The following PTPRK variants were observed in gnomAD, a reference collection of about 807,000 sequenced individuals.
The protein encoded by PTPRK is receptor-type tyrosine-protein phosphatase kappa.
A neutral mutation model predicts 178.0 loss-of-function variants in PTPRK; 75 were observed. The ratio of observed to expected loss-of-function variants is 0.42; its 90% CI spans 0.35 to 0.51. The LOEUF (loss-of-function observed/expected upper bound fraction) is 0.51. Among genes scored for constraint, PTPRK ranks in the 20% least tolerant of loss-of-function variants. The pLI is 0.02. For missense variants in PTPRK, 1,441 were observed against 1,797.8 expected, an observed-to-expected ratio of 0.80 and a Z score of 3.59; for synonymous variants, 637 against 620.6, an observed-to-expected ratio of 1.03 and a Z score of -0.39.
At chr6:128,324,185 C>A (rs989109007) in intron 2 of PTPRK, among the ~76,000 whole-genome samples, 4 of 152,068 alleles carry the variant, frequency 2.6e-5, no homozygotes, top group African/African-American at 7.2e-5. Flanking sequence ...AGTTCCACCC[C>A]CTCCCCTCAG....
rs1294873336 is a variant in PTPRK at position 127,998,538 on chromosome 6, T to C, written c.2679+182A>G. 2.4e-4 allele frequency among the ~76,000 whole-genome samples: 37 copies of C among 152,026 alleles called. 1 individual carries two copies. The highest frequency in any genetic ancestry group is 5.4e-4 in the Non-Finnish European group (37 of 67,988). Reference sequence around the variant, plus strand: ...ACTCATATATCTCTGGGAAGTGCTTTTTTCCCCATTCCCTTCCCATTCCCA... The same window carrying C: ...ACTCATATATCTCTGGGAAGTGCTTCTTTCCCCATTCCCTTCCCATTCCCA... On this transcript the variant is annotated intron_variant, in intron 16 of 29. Coordinates refer to ENST00000368226, the MANE Select transcript of PTPRK (RefSeq NM_002844.4).
intron 1 of PTPRK, among the ~76,000 whole-genome samples, chr6:128,445,171 T>C (rs979668048): frequency 9.7e-5 from 13 of 134,532 alleles, no homozygotes; most frequent in East Asian, 3.9e-4. Context: ...CTGAGCAAAA[T>C]AGCAAGACCC....
At chr6:128,314,840 T>TA (rs1187331995) in intron 3 of PTPRK, among the ~76,000 whole-genome samples, 298 of 139,840 alleles carry the variant, frequency 2.1e-3, no homozygotes, top group East Asian at 4.5e-3. Flanking sequence ...CACCACTATT[T>TA]AAAAAAAAAA....
At chr6:128,189,235 CTTTTT>C (rs71028115) in intron 6 of PTPRK, among the ~76,000 whole-genome samples, 261 of 67,480 alleles carry the variant, frequency 3.9e-3, no homozygotes, top group Non-Finnish European at 4.9e-3. Context: ...TACTCTTTTT[CTTTTT>C]TTTTTTTTTT....
chr6:128,191,651 A>G (rs1803808723), intron 6 of PTPRK, among the ~76,000 whole-genome samples: 1 of 152,172 alleles, frequency 6.6e-6, no homozygotes, highest in African/African-American at 2.4e-5. Flanking sequence ...GTATACATAT[A>G]CCAAAAGACC....
intron 1 of PTPRK, among the ~76,000 whole-genome samples, chr6:128,498,165 A>G (rs1855009227): frequency 6.6e-6 from 1 of 152,190 alleles, no homozygotes; most frequent in African/African-American, 2.4e-5. Flanking sequence ...AAAAAGACAA[A>G]TCACAGCCTA....
intron 3 of PTPRK, among the ~76,000 whole-genome samples, chr6:128,301,630 T>C (rs999095639): frequency 6.6e-5 from 10 of 152,174 alleles, no homozygotes; most frequent in African/African-American, 2.4e-4. Context: ...TTAATTTATT[T>C]ACATTATAAA....
At chr6:128,151,877 G>A (rs1427117637) in intron 7 of PTPRK, among the ~76,000 whole-genome samples, 9 of 152,050 alleles carry the variant, frequency 5.9e-5, no homozygotes, top group Admixed American at 3.9e-4. Context: ...AAATAAAATA[G>A]AGTATAATCA....
At chr6:128,151,052 G>C (rs180769844) in intron 7 of PTPRK, among the ~76,000 whole-genome samples, 3 of 152,162 alleles carry the variant, frequency 2.0e-5, no homozygotes, top group Admixed American at 2.0e-4. Context: ...GTAAAAAAAA[G>C]TAATTTTGAT....
rs142511382 is a variant in PTPRK at position 128,487,376 on chromosome 6, C to T, written c.100+32883G>A. On this transcript the variant is annotated intron_variant, in intron 1 of 29. Coordinates refer to ENST00000368226, the MANE Select transcript of PTPRK (RefSeq NM_002844.4). The stretch of plus-strand genomic sequence containing the variant: ...GAAACTGGGAAGGCCTCAAAAACAG[C>T]CTCAGAAGCAAAGCCTTATTCTGAC... 1.3e-4 allele frequency among the ~76,000 whole-genome samples: 19 copies of T among 151,464 alleles called. No homozygotes were observed. In the East Asian group the frequency reaches 2.6e-3, roughly 20 times the overall value.
intron 6 of PTPRK, among the ~76,000 whole-genome samples, chr6:128,192,679 G>A (rs1804014183): frequency 6.6e-6 from 1 of 151,952 alleles, no homozygotes; most frequent in South Asian, 2.1e-4. Context: ...AATTAGCCAG[G>A]TGTGGTGGCA....
Position 128,048,306 on chromosome 6 carries a change from A to G in PTPRK, c.2194+16452T>C, listed in dbSNP as rs899803715. The stretch of plus-strand genomic sequence containing the variant: ...CAGCAATCTGCTTAACAAGCCCCCA[A>G]GTGATTCTGACTTAAGCTTAACTTT... On this transcript the variant is annotated intron_variant, in intron 13 of 29. Coordinates refer to ENST00000368226, the MANE Select transcript of PTPRK (RefSeq NM_002844.4). 5.9e-5 allele frequency among the ~76,000 whole-genome samples: 9 copies of G among 152,216 alleles called. No homozygotes were observed. The South Asian group carries it at 1.0e-3, about 18-fold the overall frequency.
intron 7 of PTPRK, among the ~76,000 whole-genome samples, chr6:128,160,701 G>A (rs1428496209): frequency 2.6e-5 from 4 of 151,574 alleles, no homozygotes; most frequent in African/African-American, 9.7e-5. Flanking sequence ...AATAATGGAG[G>A]TGAATCCTTA....
intron 7 of PTPRK, among the ~76,000 whole-genome samples, chr6:128,116,431 A>G (rs1328702306): frequency 2.0e-5 from 3 of 150,834 alleles, no homozygotes; most frequent in African/African-American, 7.2e-5. Flanking sequence ...TGATAACTAT[A>G]TATCTCTGGA....
chr6:128,171,405 T>C (rs973826534), intron 7 of PTPRK, among the ~76,000 whole-genome samples: 2 of 151,978 alleles, frequency 1.3e-5, no homozygotes, highest in African/African-American at 4.8e-5. Flanking sequence ...TAGGTAGTAA[T>C]GGAAAATGTC....
intron 3 of PTPRK, among the ~76,000 whole-genome samples, chr6:128,305,323 T>C (rs1826214966): frequency 1.3e-5 from 2 of 152,160 alleles, no homozygotes; most frequent in Admixed American, 1.3e-4. Flanking sequence ...TCCTTCTACA[T>C]CTTTAGTAGC....
At chr6:128,059,942 G>C (rs368747923) in intron 13 of PTPRK, among the ~76,000 whole-genome samples, 2 of 151,998 alleles carry the variant, frequency 1.3e-5, no homozygotes, top group East Asian at 3.9e-4. Context: ...CTTGGGGTTG[G>C]GATGAAAACA....
At chr6:128,349,046 A>G (rs1832782689) in intron 2 of PTPRK, among the ~76,000 whole-genome samples, 1 of 152,112 alleles carries the variant, frequency 6.6e-6, no homozygotes, top group South Asian at 2.1e-4. Flanking sequence ...CAATTACCAG[A>G]AAAGAAAGAA....
chr6:128,335,441 C>CA (rs10585655), intron 2 of PTPRK, among the ~76,000 whole-genome samples: 14 of 109,778 alleles, frequency 1.3e-4, no homozygotes, highest in African/African-American at 3.6e-4. Context: ...GGAATGATAA[C>CA]AAAAAAAAAA....
Sources: gnomAD v4.1 joint callset for allele counts (sites outside exome capture counted in the v4.1 genomes callset) on GRCh38, gnomAD v4.1.1 for gene constraint, MANE v1.5 for transcripts, NCBI Gene and HGNC (gene_info 2026-07-23, HGNC 2026-07-21) for gene names.